The following PLEKHA1 variants were observed in gnomAD, a reference collection of about 807,000 sequenced individuals.
PLEKHA1 encodes the protein pleckstrin homology domain containing A1.
PLEKHA1 carries 34 observed loss-of-function variants against 52.0 expected under a neutral mutation model. The observed-to-expected ratio is 0.65, with a 90% CI of 0.50 to 0.87. The LOEUF is 0.87. PLEKHA1 is among the 40% of genes least tolerant of loss of function. PLEKHA1 has a pLI of 0.00. For missense variants in PLEKHA1, 497 were observed against 504.2 expected, an observed-to-expected ratio of 0.99 and a Z score of 0.14; for synonymous variants, 163 against 170.7, an observed-to-expected ratio of 0.95 and a Z score of 0.35.
At chr10:122,420,869 G>A (rs562711745) in intron 8 of PLEKHA1, 1 of 152,416 alleles carries the variant, frequency 6.6e-6, no homozygotes. Context: ...GGAGTAGGGA[G>A]AGAAGGGCAT....
intron 5 of PLEKHA1, 109 bp downstream of exon 5, chr10:122,406,782 A>G (rs2097022549): frequency 1.2e-6 from 1 of 806,114 alleles, no homozygotes; most frequent in Admixed American, 2.5e-5. Flanking sequence ...TTCATACTCA[A>G]GCTTTGTTTA....
chr10:122,377,063 T>C (rs1315163759), intron 1 of PLEKHA1, among the ~76,000 whole-genome samples: 1 of 152,226 alleles, frequency 6.6e-6, no homozygotes, highest in African/African-American at 2.4e-5. Flanking sequence ...GTTATTTTAA[T>C]TGTGTGATAA....
rs192353947 is a variant in PLEKHA1, at chr10:122,409,433, G to A, written c.342+2760G>A. Among the ~76,000 whole-genome samples, 11 of 141,966 alleles carry A rather than the reference G, an allele frequency of 7.7e-5. No individual in the cohort carries two copies. In the East Asian group the frequency reaches 2.1e-3, roughly 27 times the overall value. The allele number at this position is 141,966 out of a possible 152,430, so 93.1% of individuals were successfully genotyped here. ...ATGCTTTCCACTGTTCATTTATAGTGGAAATATATATAGTGGAAATATAGT... is the reference window on the plus strand; with the variant it reads ...ATGCTTTCCACTGTTCATTTATAGTAGAAATATATATAGTGGAAATATAGT... On this transcript the variant is annotated intron_variant, in intron 5 of 11. Coordinates refer to ENST00000368990, the MANE Select transcript of PLEKHA1 (RefSeq NM_001001974.4).
intron 11 of PLEKHA1, among the ~76,000 whole-genome samples, chr10:122,428,961 T>G (rs1164210110): frequency 1.3e-5 from 2 of 152,224 alleles, no homozygotes; most frequent in African/African-American, 4.8e-5. Flanking sequence ...CACCACAGTT[T>G]AAAATGTGAT....
rs1460945618 is a variant in PLEKHA1, at chr10:122,393,805, C to G, written c.141+464C>G. The stretch of plus-strand genomic sequence containing the variant: ...TAAATTTAGGTTTAAGATGCTGCAT[C>G]TAGGATAGAGACTATTATTTTTAAA... On this transcript the variant is annotated intron_variant, in intron 2 of 11. Coordinates refer to ENST00000368990, the MANE Select transcript of PLEKHA1 (RefSeq NM_001001974.4). This position sits in a 1 kb window ranked among gnomAD's most constrained non-coding sequence, Gnocchi z 4.5. 1.3e-5 allele frequency among the ~76,000 whole-genome samples: 2 copies of G among 152,134 alleles called. No homozygotes were observed. The highest frequency in any genetic ancestry group is 2.9e-5 in the Non-Finnish European group (2 of 68,026).
chr10:122,407,312 G>A (rs1473615256), intron 5 of PLEKHA1, among the ~76,000 whole-genome samples: 1 of 152,078 alleles, frequency 6.6e-6, no homozygotes, highest in African/African-American at 2.4e-5. Flanking sequence ...TGCTTCTAAT[G>A]TGTGCTTCTT....
At position 122,374,773 on chromosome 10, in the gene PLEKHA1, C is replaced by T. The variant is rs1203710377; in HGVS notation, c.-54C>T. ...GCCGAGCCTCTGTGGGAGCCGGGGC[C>T]GCGGCGGCGCGGGTGCTCCGGGCCG... is the stretch of plus-strand genomic sequence containing the variant. On this transcript the variant is annotated 5_prime_UTR_variant, in exon 1 of 12. Transcript: ENST00000368990. 6.6e-6 allele frequency: 1 copy of T among 151,964 alleles called. No homozygotes were observed. The highest frequency in any genetic ancestry group is 1.5e-5 in the Non-Finnish European group (1 of 67,998). 9.4% of individuals were successfully genotyped at this position (151,964 alleles called of 1,614,324 possible). A position where few individuals can be genotyped will look rare whatever the true frequency, so the allele number is the denominator to read the frequency against.
At chr10:122,441,633 ATAAAGAACCCACTGAAAGAG>A in the PLEKHA1 span, 4 of 152,306 alleles carry the variant, frequency 2.6e-5, no homozygotes, top group South Asian at 8.3e-4. Flanking sequence ...TGTGGTTCAG[ATAAAGAACCCACTGAAAGAG>A]GCTGCGTGCA....
intron 4 of PLEKHA1, among the ~76,000 whole-genome samples, chr10:122,404,208 G>C (rs964931045): frequency 1.3e-5 from 2 of 152,080 alleles, no homozygotes; most frequent in African/African-American, 4.8e-5. Flanking sequence ...AAGTGCATAA[G>C]CTAGTCAGGT....
At chr10:122,442,259 A>G in the PLEKHA1 span, 1 of 152,030 alleles carries the variant, frequency 6.6e-6, no homozygotes, top group Non-Finnish European at 1.5e-5. Flanking sequence ...TAACTGTACT[A>G]GAGTCTTTAC....
intron 11 of PLEKHA1, among the ~76,000 whole-genome samples, chr10:122,428,969 G>T (rs927862791): frequency 1.3e-5 from 2 of 152,120 alleles, no homozygotes; most frequent in South Asian, 4.1e-4. Context: ...TTTAAAATGT[G>T]ATAAATGTGT....
chr10:122,395,645 A>C (rs2096840326), intron 2 of PLEKHA1, among the ~76,000 whole-genome samples: 1 of 152,134 alleles, frequency 6.6e-6, no homozygotes, highest in African/African-American at 2.4e-5. Context: ...AAAGTATAAT[A>C]ACATGGTTAT....
chr10:122,428,229 T>C, intron 11 of PLEKHA1: 1 of 1,442,666 alleles, frequency 6.9e-7, no homozygotes, highest in Non-Finnish European at 9.2e-7. Context: ...TTCCTCCCTC[T>C]ACCCAGTATA....
At chr10:122,378,946 A>G (rs1401898791) in intron 1 of PLEKHA1, among the ~76,000 whole-genome samples, 1 of 152,038 alleles carries the variant, frequency 6.6e-6, no homozygotes, top group Non-Finnish European at 1.5e-5. Flanking sequence ...TAAGGGATCT[A>G]TTTGGATACA....
At chr10:122,382,174 G>A (rs2096623947) in intron 1 of PLEKHA1, among the ~76,000 whole-genome samples, 1 of 152,150 alleles carries the variant, frequency 6.6e-6, no homozygotes, top group Admixed American at 6.5e-5. Context: ...TATTTAAAAT[G>A]TATGATTTAG....
chr10:122,398,026 G>A, intron 3 of PLEKHA1, 52 bp downstream of exon 3: 1 of 1,442,984 alleles, frequency 6.9e-7, no homozygotes, highest in Non-Finnish European at 9.7e-7. Flanking sequence ...CCCTGTGAAT[G>A]AGAGTATGAA....
chr10:122,424,863 A>G (rs1351933030), intron 9 of PLEKHA1, 33 bp from the exon 10 acceptor site: 69 of 1,564,706 alleles, frequency 4.4e-5, no homozygotes, highest in Non-Finnish European at 6.0e-5. Context: ...AACAACTGCT[A>G]TTTAAGTATA....
intron 4 of PLEKHA1, among the ~76,000 whole-genome samples, chr10:122,400,654 A>G (rs2096915148): frequency 6.6e-6 from 1 of 152,154 alleles, no homozygotes; most frequent in Non-Finnish European, 1.5e-5. Context: ...TATAATGATC[A>G]CCTCCAGTGA....
intron 1 of PLEKHA1, among the ~76,000 whole-genome samples, chr10:122,386,166 T>C (rs962515466): frequency 6.6e-6 from 1 of 152,216 alleles, no homozygotes; most frequent in Non-Finnish European, 1.5e-5. Flanking sequence ...GTTTTTTTTG[T>C]TTGTTTTAGA....
Sources: gnomAD v4.1 joint callset for allele counts (sites outside exome capture counted in the v4.1 genomes callset) on GRCh38, gnomAD v4.1.1 for gene constraint, Gnocchi (gnomAD v3.1) non-coding constraint, MANE v1.5 for transcripts, NCBI Gene and HGNC (gene_info 2026-07-23, HGNC 2026-07-21) for gene names.